The following SPECC1L variants were observed in gnomAD, a reference collection of about 807,000 sequenced individuals.
SPECC1L encodes the protein sperm antigen with calponin homology and coiled-coil domains 1 like.
In SPECC1L, 40 loss-of-function variants were observed where a neutral mutation model predicts 116.8. That is an observed-to-expected ratio of 0.34 (90% CI 0.27 to 0.45). The LOEUF is 0.45. SPECC1L is among the 20% of genes least tolerant of loss of function. The probability of loss-of-function intolerance (pLI) is 1.00; values close to 1 mark genes in which losing one functional copy is unlikely to be tolerated. For missense variants in SPECC1L, 1,110 were observed against 1,373.6 expected (o/e 0.81, Z 3.03); for synonymous variants, 504 against 500.6 (o/e 1.01, Z -0.09).
intron 1 of SPECC1L, among the ~76,000 whole-genome samples, chr22:24,273,182 C>G (rs966187071): frequency 6.6e-6 from 1 of 152,148 alleles, no homozygotes; most frequent in African/African-American, 2.4e-5. Context: ...CAGTGGTTCT[C>G]TATAACTGAC....
intron 4 of SPECC1L, among the ~76,000 whole-genome samples, chr22:24,317,042 C>T (rs1235219976): frequency 8.5e-6 from 1 of 118,274 alleles, no homozygotes; most frequent in South Asian, 2.8e-4. Context: ...GGGGCTGACC[C>T]CCCCACCTCC....
intron 14 of SPECC1L, among the ~76,000 whole-genome samples, chr22:24,372,915 A>C (rs540263860): frequency 6.6e-6 from 1 of 152,256 alleles, no homozygotes; most frequent in East Asian, 1.9e-4. Flanking sequence ...CTGATAGGCA[A>C]CTTCAGCAAA....
intron 1 of SPECC1L, among the ~76,000 whole-genome samples, chr22:24,274,117 T>A (rs150718912): frequency 6.6e-6 from 1 of 152,312 alleles, no homozygotes; most frequent in African/African-American, 2.4e-5. Flanking sequence ...TTCTTTCTGG[T>A]GGTTGGAATT....
At chr22:24,377,302 C>T (rs2041989884) in intron 14 of SPECC1L, among the ~76,000 whole-genome samples, 1 of 152,056 alleles carries the variant, frequency 6.6e-6, no homozygotes, top group African/African-American at 2.4e-5. Context: ...TTATAAATGT[C>T]ACTGTTAAGA....
chr22:24,298,602 C>T (rs963908228), intron 2 of SPECC1L, among the ~76,000 whole-genome samples: 15 of 152,288 alleles, frequency 9.8e-5, no homozygotes, highest in South Asian at 2.1e-4. Context: ...GGAGAGCCAC[C>T]GATGTAAGTT....
At chr22:24,302,549 T>G (rs542571345) in intron 3 of SPECC1L, among the ~76,000 whole-genome samples, 165 bp downstream of exon 3, 111 of 152,344 alleles carry the variant, frequency 7.3e-4, no homozygotes, top group Non-Finnish European at 1.4e-3. Context: ...ATTGCTGTTT[T>G]TGGTCTGTCT....
chr22:24,333,101 G>T (rs960184517), intron 8 of SPECC1L, among the ~76,000 whole-genome samples: 1 of 152,168 alleles, frequency 6.6e-6, no homozygotes, highest in African/African-American at 2.4e-5. Context: ...GGTGGCACAT[G>T]CCTGTAATCC....
chr22:24,408,972 C>T (rs2146809894), intron 14 of SPECC1L, among the ~76,000 whole-genome samples: 1 of 152,356 alleles, frequency 6.6e-6, no homozygotes, highest in Middle Eastern at 3.4e-3. Flanking sequence ...TACTTGGGTC[C>T]TTGCTGGTTG....
intron 4 of SPECC1L, among the ~76,000 whole-genome samples, chr22:24,317,927 G>T (rs1156646863): frequency 6.6e-6 from 1 of 151,710 alleles, no homozygotes; most frequent in Admixed American, 6.6e-5. Flanking sequence ...GATGATGGGC[G>T]GCCGGGCAGA....
intron 14 of SPECC1L, among the ~76,000 whole-genome samples, chr22:24,383,137 C>CAAAT (rs2042092859): frequency 6.6e-6 from 1 of 152,194 alleles, no homozygotes. Context: ...TTATGTCCTA[C>CAAAT]AAATAAAGGT....
rs2042806008 is a variant in SPECC1L at position 24,416,651 on chromosome 22, G to A, written c.*2028G>A. The A allele has an allele frequency of 1.3e-5, 2 of 152,288 alleles. No individual in the cohort carries two copies. Among genetic ancestry groups the A allele is most frequent in the Non-Finnish European group, 1.5e-5 (1 of 68,074 alleles). The allele number at this position is 152,288 out of a possible 1,614,324, so 9.4% of individuals were successfully genotyped here. ...AGGGGCTGTTTTGCCCTAAGAATGAGGGGGCTTCCCCTGGTCTGCAGTTCC... is the reference window on the plus strand; with the variant it reads ...AGGGGCTGTTTTGCCCTAAGAATGAAGGGGCTTCCCCTGGTCTGCAGTTCC... On this transcript the variant is annotated 3_prime_UTR_variant, in exon 17 of 17. Transcript: ENST00000314328.
chr22:24,384,302 T>C (rs1024284519), intron 14 of SPECC1L, among the ~76,000 whole-genome samples: 10 of 152,046 alleles, frequency 6.6e-5, no homozygotes, highest in Admixed American at 1.3e-4. Flanking sequence ...TCTCAATAGG[T>C]AACAGAAAGA....
chr22:24,286,830 C>T (rs914345041), intron 2 of SPECC1L, among the ~76,000 whole-genome samples: 2 of 152,170 alleles, frequency 1.3e-5, no homozygotes, highest in African/African-American at 4.8e-5. Flanking sequence ...ATCATTTGAA[C>T]CCTGCAGGCA....
At chr22:24,358,020 A>G (rs1426471613) in intron 11 of SPECC1L, among the ~76,000 whole-genome samples, 2 of 150,318 alleles carry the variant, frequency 1.3e-5, no homozygotes, top group African/African-American at 4.9e-5. Context: ...TCTTTTGAGT[A>G]TGGCTCACTT....
chr22:24,413,922 T>C (rs1285001079), intron 16 of SPECC1L, among the ~76,000 whole-genome samples: 2 of 152,094 alleles, frequency 1.3e-5, no homozygotes, highest in Non-Finnish European at 2.9e-5. Flanking sequence ...GCAGCAGCAG[T>C]GTGTCACTTT....
At chr22:24,278,360 C>A (rs1489744562) in intron 2 of SPECC1L, among the ~76,000 whole-genome samples, 2 of 151,722 alleles carry the variant, frequency 1.3e-5, no homozygotes, top group Non-Finnish European at 2.9e-5. Flanking sequence ...GACTCCGTTT[C>A]AGGGAAGAAA....
chr22:24,394,189 C>T (rs2146748508), intron 14 of SPECC1L, among the ~76,000 whole-genome samples: 1 of 152,332 alleles, frequency 6.6e-6, no homozygotes, highest in African/African-American at 2.4e-5. Context: ...GTTTGGACTA[C>T]TGTAACAAAG....
intron 2 of SPECC1L, among the ~76,000 whole-genome samples, chr22:24,295,161 G>A (rs2049234694): frequency 6.6e-6 from 1 of 150,792 alleles, no homozygotes; most frequent in South Asian, 2.1e-4. Context: ...ATTCTAGTGA[G>A]CGTTCAGGCC....
intron 4 of SPECC1L, among the ~76,000 whole-genome samples, chr22:24,318,005 G>T (rs1245345749): frequency 6.6e-6 from 1 of 151,436 alleles, no homozygotes; most frequent in African/African-American, 2.4e-5. Context: ...AGATGGGATG[G>T]CGGCTGGGCA....
Sources: allele counts gnomAD v4.1 joint callset (sites outside exome capture counted in the v4.1 genomes callset), GRCh38; gene constraint gnomAD v4.1.1; transcripts MANE v1.5; gene names NCBI Gene and HGNC (gene_info 2026-07-23, HGNC 2026-07-21).